Variants in FAM219A observed in about 807,000 individuals in gnomAD.
The protein encoded by FAM219A is protein FAM219A.
A neutral mutation model predicts 23.4 loss-of-function variants in FAM219A; 7 were observed. That is an observed-to-expected ratio of 0.30 (90% CI 0.17 to 0.56). FAM219A has a LOEUF of 0.56. Ranked by LOEUF, FAM219A falls within the 20% of genes least tolerant of loss-of-function variation. The pLI is 0.92. For missense variants in FAM219A, 166 were observed against 246.9 expected, an observed-to-expected ratio of 0.67 and a Z score of 2.20; for synonymous variants, 93 against 99.0, an observed-to-expected ratio of 0.94 and a Z score of 0.36.
At chr9:34,428,855 C>T (rs567815365) in intron 1 of FAM219A, among the ~76,000 whole-genome samples, 41 of 152,342 alleles carry the variant, frequency 2.7e-4, no homozygotes, top group African/African-American at 9.1e-4. Flanking sequence ...TGTGCTTAAA[C>T]CCACAGTAAG....
chr9:34,406,918 TCAGCCTCTTGAGCAGCTGGGACTA>T (rs1295925695), intron 1 of FAM219A, among the ~76,000 whole-genome samples: 1 of 150,884 alleles, frequency 6.6e-6, no homozygotes, highest in African/African-American at 2.4e-5. Context: ...TTCTCCTGCC[TCAGCCTCTTGAGCAGCTGGGACTA>T]CAGGTACACG....
chr9:34,427,520 G>A (rs935931358), intron 1 of FAM219A, among the ~76,000 whole-genome samples: 2 of 152,168 alleles, frequency 1.3e-5, no homozygotes, highest in Non-Finnish European at 2.9e-5. Flanking sequence ...TTATTTAAAT[G>A]ACTATTTGTA....
intron 1 of FAM219A, among the ~76,000 whole-genome samples, chr9:34,421,043 A>AGAGAGAGAGAGAGC (rs1822262606): frequency 6.6e-6 from 1 of 150,426 alleles, no homozygotes; most frequent in Non-Finnish European, 1.5e-5. Flanking sequence ...AGAGAGAGAG[A>AGAGAGAGAGAGAGC]GAATGGCTCT....
rs753547199 is a variant in FAM219A, at chr9:34,401,675, G to A, written c.390C>T (p.Ser130=). 1 of 1,608,178 alleles carries A rather than the reference G, an allele frequency of 6.2e-7. No individual in the cohort carries two copies. Among genetic ancestry groups the A allele is most frequent in the South Asian group, 1.1e-5 (1 of 88,858 alleles). ...AGGGGTAGGGGCTCACCTCAGCAGAGGAGTAGCCGGAGGAGGAGTATCTAG... is the reference window on the plus strand; with the variant it reads ...AGGGGTAGGGGCTCACCTCAGCAGAAGAGTAGCCGGAGGAGGAGTATCTAG... The part of the protein sequence containing the change: ...DMSRYSSSGY[S]SAEQINQDLN... The change falls in exon 5 of 6, where the codon TCC becomes TCT. Residue 130 remains serine, a synonymous_variant. Coordinates refer to ENST00000651358, the MANE Select transcript of FAM219A (RefSeq NM_001184940.2).
rs1821402922 is a variant in FAM219A, at chr9:34,401,003, G to C, written c.519C>G (p.Cys173Trp). Residue 173 changes from cysteine to tryptophan, a missense_variant, in exon 6 of 6, where the codon TGC (cysteine) becomes TGG (tryptophan). Around this residue, in one of 3 missense-constraint regions of FAM219A, gnomAD observed 72 missense variants for 131.0 expected, o/e 0.55. Coordinates refer to ENST00000651358, the MANE Select transcript of FAM219A (RefSeq NM_001184940.2). ...PPKSVNPTCM[C>W]CQATSSTACH... ...AGGCGGTGGAGGACGTGGCCTGGCAGCACATGCACGTGGGGTTCACGGACT... is the reference window on the plus strand; with the variant it reads ...AGGCGGTGGAGGACGTGGCCTGGCACCACATGCACGTGGGGTTCACGGACT... 6.3e-7 allele frequency: 1 copy of C among 1,578,924 alleles called. No homozygotes were observed. Among genetic ancestry groups the C allele is most frequent in the Non-Finnish European group, 8.6e-7 (1 of 1,158,762 alleles).
rs373866691 is a variant in FAM219A, at chr9:34,447,384, C to T, written c.60+10820G>A. Reference sequence around the variant, plus strand: ...TATCAATATTATGGGTAGTGGCAGTCCCACAATAATCTGTGCTGTGCAGAT... The same window carrying T: ...TATCAATATTATGGGTAGTGGCAGTTCCACAATAATCTGTGCTGTGCAGAT... On this transcript the variant is annotated intron_variant, in intron 1 of 5. Coordinates refer to ENST00000651358, the MANE Select transcript of FAM219A (RefSeq NM_001184940.2). Among the ~76,000 whole-genome samples the T allele has an allele frequency of 2.2e-3, 330 of 152,336 alleles. 3 individuals are homozygous for T. The highest frequency in any genetic ancestry group is 7.0e-3 in the African/African-American group (293 of 41,568).
chr9:34,419,312 T>C (rs1024738899), intron 1 of FAM219A, among the ~76,000 whole-genome samples: 17 of 151,914 alleles, frequency 1.1e-4, no homozygotes, highest in African/African-American at 3.9e-4. Context: ...GAGGGAAAAT[T>C]ATTCTAAGAC....
At chr9:34,407,762 T>C (rs1368431400) in intron 1 of FAM219A, among the ~76,000 whole-genome samples, 2 of 152,234 alleles carry the variant, frequency 1.3e-5, no homozygotes, top group Non-Finnish European at 2.9e-5. Context: ...GATCCAAGGC[T>C]GCTGCCTGTT....
At chr9:34,449,963 T>C (rs1395043887) in intron 1 of FAM219A, among the ~76,000 whole-genome samples, 2 of 152,206 alleles carry the variant, frequency 1.3e-5, no homozygotes, top group African/African-American at 4.8e-5. Flanking sequence ...AAACCGTGCA[T>C]GGTGCGTGGC....
Position 34,407,120 on chromosome 9 carries a change from T to C in FAM219A, c.61-1156A>G, listed in dbSNP as rs374536918. Among the ~76,000 whole-genome samples, 24 of 152,150 alleles carry C rather than the reference T, an allele frequency of 1.6e-4. 1 individual carries two copies. Among genetic ancestry groups the C allele is most frequent in the African/African-American group, 5.8e-4 (24 of 41,518 alleles). On this transcript the variant is annotated intron_variant, in intron 1 of 5. Coordinates refer to ENST00000651358, the MANE Select transcript of FAM219A (RefSeq NM_001184940.2). ...CTTGCTAAGAGTCCTTATCTAGCCT[T>C]GCCATCCCCTCCCAAACACCCTCCT... is the stretch of plus-strand genomic sequence containing the variant.
chr9:34,433,711 T>C (rs906792087), intron 1 of FAM219A, among the ~76,000 whole-genome samples: 2 of 152,224 alleles, frequency 1.3e-5, no homozygotes, highest in Non-Finnish European at 2.9e-5. Flanking sequence ...CAGCCCTCTA[T>C]GCAGATGACT....
intron 4 of FAM219A, chr9:34,402,182 C>T (rs1283657007): frequency 1.3e-6 from 2 of 1,501,564 alleles, no homozygotes; most frequent in Non-Finnish European, 1.8e-6. Context: ...ACAACGCAGG[C>T]CCCCCTTTCC....
chr9:34,449,419 T>C (rs1823486105), intron 1 of FAM219A, among the ~76,000 whole-genome samples: 1 of 152,068 alleles, frequency 6.6e-6, no homozygotes, highest in Non-Finnish European at 1.5e-5. Context: ...ATAAGGGAAA[T>C]AAAACTCCCT....
chr9:34,403,891 CTCTT>C (rs1446294378), intron 2 of FAM219A, among the ~76,000 whole-genome samples: 1 of 152,178 alleles, frequency 6.6e-6, no homozygotes, highest in South Asian at 2.1e-4. Context: ...CTCTTTGACC[CTCTT>C]TCTTTGCCAG....
chr9:34,406,843 C>T (rs1821653298), intron 1 of FAM219A, among the ~76,000 whole-genome samples: 1 of 146,410 alleles, frequency 6.8e-6, no homozygotes, highest in South Asian at 2.2e-4. Flanking sequence ...TGCTTTGTTG[C>T]CCAGGCTGGA....
chr9:34,449,922 C>T (rs745955535), intron 1 of FAM219A, among the ~76,000 whole-genome samples: 5 of 152,270 alleles, frequency 3.3e-5, no homozygotes, highest in Admixed American at 6.5e-5. Context: ...GATCAATATT[C>T]CTAACAGAAT....
intron 3 of FAM219A, 58 bp downstream of exon 3, chr9:34,402,647 G>C (rs1035205449): frequency 2.7e-5 from 43 of 1,593,380 alleles, no homozygotes; most frequent in Admixed American, 6.7e-5. Flanking sequence ...GGAGGCTCAG[G>C]ACCAGCAGAA....
chr9:34,416,206 AGAAAGAAAGAAAG>A (rs1384972284), intron 1 of FAM219A, among the ~76,000 whole-genome samples: 3 of 115,024 alleles, frequency 2.6e-5, no homozygotes. Flanking sequence ...AAAGAAAGAA[AGAAAGAAAGAAAG>A]AAAGAAAGAA....
intron 1 of FAM219A, among the ~76,000 whole-genome samples, chr9:34,446,343 C>T (rs1823374377): frequency 1.3e-5 from 2 of 152,194 alleles, no homozygotes; most frequent in South Asian, 4.1e-4. Context: ...GCTTTTGTGA[C>T]AGGCCTTGAT....
Sources: allele counts gnomAD v4.1 joint callset (sites outside exome capture counted in the v4.1 genomes callset), GRCh38; gene constraint gnomAD v4.1.1; regional missense constraint gnomAD v4.1.1; transcripts MANE v1.5; gene names NCBI Gene and HGNC (gene_info 2026-07-23, HGNC 2026-07-21).